The following UPF2 variants were observed in gnomAD, a reference collection of about 807,000 sequenced individuals.
UPF2 encodes regulator of nonsense transcripts 2.
In UPF2, 17 loss-of-function variants were observed where a neutral mutation model predicts 141.4. The observed-to-expected ratio is 0.12, with a 90% CI of 0.08 to 0.18. UPF2 has a LOEUF of 0.18. Ranked by LOEUF, UPF2 falls within the 10% of genes least tolerant of loss-of-function variation. The probability of loss-of-function intolerance (pLI) is 1.00; values close to 1 mark genes in which losing one functional copy is unlikely to be tolerated. For missense variants in UPF2, 1,152 were observed against 1,515.9 expected, an observed-to-expected ratio of 0.76 and a Z score of 3.99; for synonymous variants, 540 against 498.0, an observed-to-expected ratio of 1.08 and a Z score of -1.12.
intron 18 of UPF2, among the ~76,000 whole-genome samples, chr10:11,938,868 T>TTTTG (rs1832896544): frequency 5.5e-5 from 5 of 90,822 alleles, no homozygotes; most frequent in African/African-American, 7.4e-5. Flanking sequence ...TTTTTTTTTT[T>TTTTG]TTTTTTTTTT....
chr10:11,966,260 G>A (rs1344987751), intron 10 of UPF2, among the ~76,000 whole-genome samples: 1 of 152,150 alleles, frequency 6.6e-6, no homozygotes, highest in Non-Finnish European at 1.5e-5. Flanking sequence ...CAGCTACTGA[G>A]AGGTGTTTTC....
At chr10:11,978,025 C>G (rs1833534440) in intron 9 of UPF2, among the ~76,000 whole-genome samples, 1 of 152,208 alleles carries the variant, frequency 6.6e-6, no homozygotes, top group African/African-American at 2.4e-5. Context: ...GAGACTCTCT[C>G]CTTCCTTCGC....
Position 11,973,952 on chromosome 10 carries a change from C to G in UPF2, c.1953+5105G>C, listed in dbSNP as rs1354402206. On this transcript the variant is annotated intron_variant, in intron 9 of 21. Coordinates refer to ENST00000357604, the MANE Select transcript of UPF2 (RefSeq NM_015542.4). ...CTTTGGTAGTTTGATGGGGATGGCA[C>G]TGAATCTATCAATTACCTTGGGCAG... Among the ~76,000 whole-genome samples, 6 of 152,162 alleles carry G rather than the reference C, an allele frequency of 3.9e-5. No homozygotes were observed. The East Asian group carries it at 1.2e-3, about 29-fold the overall frequency.
At chr10:12,026,302 A>C (rs1233077995) in intron 3 of UPF2, among the ~76,000 whole-genome samples, 1 of 152,230 alleles carries the variant, frequency 6.6e-6, no homozygotes, top group East Asian at 1.9e-4. Context: ...TAAGTTTAAC[A>C]AAAACCAAAA....
intron 3 of UPF2, among the ~76,000 whole-genome samples, chr10:12,015,518 A>G (rs1003883809): frequency 6.6e-6 from 1 of 152,198 alleles, no homozygotes; most frequent in Non-Finnish European, 1.5e-5. Context: ...CCTGGTCAAC[A>G]TGGCAAAACC....
At chr10:11,968,565 ATACAT>A (rs1833360888) in intron 9 of UPF2, among the ~76,000 whole-genome samples, 1 of 152,050 alleles carries the variant, frequency 6.6e-6, no homozygotes, top group African/African-American at 2.4e-5. Context: ...TTTATTATAA[ATACAT>A]TACAAGGAAA....
chr10:11,955,792 C>T (rs1353587003), intron 13 of UPF2, among the ~76,000 whole-genome samples: 2 of 152,222 alleles, frequency 1.3e-5, no homozygotes, highest in Admixed American at 1.3e-4. Flanking sequence ...TACCCTTAAC[C>T]TATTTTCTCT....
chr10:11,924,367 CA>C (rs1225628944), intron 21 of UPF2, among the ~76,000 whole-genome samples: 2 of 152,164 alleles, frequency 1.3e-5, no homozygotes, highest in African/African-American at 4.8e-5. Flanking sequence ...CACCTGAGGT[CA>C]GGAGTTCAAG....
chr10:12,043,042 C>T (rs1383009118), upstream of UPF2: 1 of 152,322 alleles, frequency 6.6e-6, no homozygotes, highest in East Asian at 1.9e-4. Flanking sequence ...CTCAGCTTGA[C>T]TCTGGGGTGG....
intron 4 of UPF2, 94 bp downstream of exon 4, chr10:12,013,930 A>G: frequency 7.8e-7 from 1 of 1,280,690 alleles, no homozygotes; most frequent in Non-Finnish European, 1.0e-6. Context: ...CATTTTAAAA[A>G]CTTAAATTCT....
At chr10:11,997,587 T>C in intron 8 of UPF2, 85 bp downstream of exon 8, 1 of 1,202,730 alleles carries the variant, frequency 8.3e-7, no homozygotes, top group Non-Finnish European at 1.2e-6. Context: ...TCAAAAGCAA[T>C]ATTTTTCAAG....
intron 18 of UPF2, among the ~76,000 whole-genome samples, chr10:11,937,092 A>C (rs1276905692): frequency 6.6e-6 from 1 of 152,234 alleles, no homozygotes. Context: ...AGGTGGGCTC[A>C]TCACTGCATC....
At chr10:11,997,569 G>C in intron 8 of UPF2, 103 bp downstream of exon 8, 1 of 1,028,116 alleles carries the variant, frequency 9.7e-7, no homozygotes, top group Non-Finnish European at 1.5e-6. Context: ...CCTACAGAGT[G>C]AATAAAATCA....
chr10:11,955,560 A>G (rs969050311), intron 13 of UPF2, 53 bp from the exon 14 acceptor site: 2 of 1,509,144 alleles, frequency 1.3e-6, no homozygotes, highest in African/African-American at 2.8e-5. Flanking sequence ...GTGTATATGA[A>G]AACAGGTTAA....
chr10:11,987,760 T>TAA, intron 8 of UPF2, among the ~76,000 whole-genome samples: 1 of 23,938 alleles, frequency 4.2e-5, no homozygotes, highest in Admixed American at 8.9e-4. Context: ...AGACTCTGCC[T>TAA]CAAAAAAAAA....
rs978603843 is a variant in UPF2, at chr10:12,012,575, C to CA, written c.1306+1448dup. 1.1e-4 allele frequency among the ~76,000 whole-genome samples: 17 copies of CA among 151,230 alleles called. 1 individual carries two copies. The South Asian group carries it at 1.9e-3, about 17-fold the overall frequency. ...TGTACCTCGGCCCACAGCCAATTCT[C>CA]AATCATGAGGTCAGGAGATCGAGAT... On this transcript the variant is annotated intron_variant, in intron 4 of 21. Coordinates refer to ENST00000357604, the MANE Select transcript of UPF2 (RefSeq NM_015542.4).
Position 11,956,270 on chromosome 10 carries a change from A to C in UPF2, c.2574+50T>G. ...GTCTCAATAGTAACCTAGAAATAAT[A>C]AATTCTCCACGAATTCCAGTTGTGT... On this transcript the variant is annotated intron_variant, in intron 13 of 21. Coordinates refer to ENST00000357604, the MANE Select transcript of UPF2 (RefSeq NM_015542.4). This position sits in a 1 kb window ranked among gnomAD's most constrained non-coding sequence, Gnocchi z 4.2. The C allele has an allele frequency of 6.4e-7, 1 of 1,553,794 alleles. No individual in the cohort carries two copies. Among genetic ancestry groups the C allele is most frequent in the Non-Finnish European group, 8.9e-7 (1 of 1,126,312 alleles).
At chr10:11,925,173 T>TTA (rs1832696347) in intron 21 of UPF2, among the ~76,000 whole-genome samples, 2 of 152,178 alleles carry the variant, frequency 1.3e-5, no homozygotes, top group Non-Finnish European at 2.9e-5. Flanking sequence ...AAGGGTAAAA[T>TTA]CTCATGTTTC....
chr10:11,928,771 T>C, intron 21 of UPF2: 1 of 302,454 alleles, frequency 3.3e-6, no homozygotes, highest in Non-Finnish European at 6.5e-6. Context: ...CATTTTCAAA[T>C]TCTTTATAGA....
Sources: allele counts gnomAD v4.1 joint callset (sites outside exome capture counted in the v4.1 genomes callset), GRCh38; gene constraint gnomAD v4.1.1; non-coding constraint Gnocchi (gnomAD v3.1); transcripts MANE v1.5; gene names NCBI Gene and HGNC (gene_info 2026-07-23, HGNC 2026-07-21).